The following CSNK2A2IP variants were observed in gnomAD, a reference collection of about 807,000 sequenced individuals.
CSNK2A2IP encodes casein kinase II subunit alpha'-interacting protein.
the CSNK2A2IP span, among the ~76,000 whole-genome samples, chr3:88,376,812 C>T: frequency 2.0e-5 from 3 of 151,686 alleles, no homozygotes; most frequent in East Asian, 5.8e-4. Flanking sequence ...CTAAGGTTAC[C>T]AGCAATTCCT....
the CSNK2A2IP span, among the ~76,000 whole-genome samples, chr3:88,416,348 C>T: frequency 1.2e-3 from 179 of 150,050 alleles, no homozygotes; most frequent in Non-Finnish European, 2.2e-3. Flanking sequence ...CAAGGGGATT[C>T]ACAAAAATGC....
At chr3:88,374,309 G>T in the CSNK2A2IP span, among the ~76,000 whole-genome samples, 6 of 151,722 alleles carry the variant, frequency 4.0e-5, no homozygotes, top group Admixed American at 1.3e-4. Context: ...TGTATGTGTT[G>T]AATTCAAGAT....
the CSNK2A2IP span, among the ~76,000 whole-genome samples, chr3:88,449,872 T>TAGAGAGAG: frequency 1.1e-3 from 87 of 79,048 alleles, no homozygotes; most frequent in East Asian, 0.02. Context: ...TATATATATA[T>TAGAGAGAG]ATAGAGAGAG....
At chr3:88,348,189 A>AT in the CSNK2A2IP span, among the ~76,000 whole-genome samples, 15 of 151,008 alleles carry the variant, frequency 9.9e-5, no homozygotes, top group East Asian at 9.8e-4. Context: ...AGACAGAATG[A>AT]TTTTTTTTTT....
At chr3:88,424,944 G>A in the CSNK2A2IP span, among the ~76,000 whole-genome samples, 1 of 151,966 alleles carries the variant, frequency 6.6e-6, no homozygotes, top group Admixed American at 6.6e-5. Flanking sequence ...GAGGTTGACA[G>A]AACTGCAGAT....
chr3:88,359,592 TAA>T, the CSNK2A2IP span, among the ~76,000 whole-genome samples: 1 of 152,148 alleles, frequency 6.6e-6, no homozygotes, highest in South Asian at 2.1e-4. Flanking sequence ...CAGTAAATGT[TAA>T]GTTTTCTTCT....
At chr3:88,439,740 C>CAA in the CSNK2A2IP span, among the ~76,000 whole-genome samples, 40,771 of 119,614 alleles carry the variant, frequency 0.34, 7,192 homozygotes, top group South Asian at 0.49. Flanking sequence ...GACTCTGTCT[C>CAA]AAAAAAAAAA....
chr3:88,398,555 T>G, the CSNK2A2IP span, among the ~76,000 whole-genome samples: 3 of 152,144 alleles, frequency 2.0e-5, no homozygotes, highest in Non-Finnish European at 4.4e-5. Flanking sequence ...TATACCAAAG[T>G]ATATGTTCCA....
the CSNK2A2IP span, among the ~76,000 whole-genome samples, chr3:88,404,106 GA>G: frequency 1.4e-3 from 208 of 144,794 alleles, no homozygotes; most frequent in African/African-American, 2.3e-3. Flanking sequence ...AGCAATATCA[GA>G]AAAAAAAAAA....
the CSNK2A2IP span, among the ~76,000 whole-genome samples, chr3:88,440,258 C>T: frequency 1.3e-5 from 2 of 152,036 alleles, no homozygotes; most frequent in Non-Finnish European, 2.9e-5. Context: ...AAGAACTTTG[C>T]TAGAAAATGC....
the CSNK2A2IP span, among the ~76,000 whole-genome samples, chr3:88,457,701 A>AAAATAAAAT: frequency 8.2e-5 from 7 of 84,888 alleles, no homozygotes; most frequent in African/African-American, 2.5e-4. Context: ...GTCTCAAAAT[A>AAAATAAAAT]AAATAAAATA....
the CSNK2A2IP span, among the ~76,000 whole-genome samples, chr3:88,369,366 A>G: frequency 6.6e-6 from 1 of 151,912 alleles, no homozygotes; most frequent in Non-Finnish European, 1.5e-5. Flanking sequence ...TTTCTTGCAG[A>G]AAACAATTAC....
chr3:88,462,247 T>C, the CSNK2A2IP span, among the ~76,000 whole-genome samples: 1 of 152,120 alleles, frequency 6.6e-6, no homozygotes, highest in Non-Finnish European at 1.5e-5. Flanking sequence ...TACTACTTTG[T>C]ATGCTCTGTT....
At chr3:88,383,674 T>TGGG in the CSNK2A2IP span, among the ~76,000 whole-genome samples, 1 of 71,806 alleles carries the variant, frequency 1.4e-5, no homozygotes, top group South Asian at 4.9e-4. Context: ...TTTTTTTTTT[T>TGGG]GGGACGGAGT....
chr3:88,384,448 T>C, the CSNK2A2IP span, among the ~76,000 whole-genome samples: 1 of 151,090 alleles, frequency 6.6e-6, no homozygotes, highest in African/African-American at 2.4e-5. Context: ...GGGATGCAAG[T>C]AAAAGGCTCT....
the CSNK2A2IP span, among the ~76,000 whole-genome samples, chr3:88,414,403 C>T: frequency 6.7e-6 from 1 of 149,920 alleles, no homozygotes; most frequent in East Asian, 2.0e-4. Flanking sequence ...CTGCCTCAGC[C>T]TCCTGAGTAG....
At chr3:88,397,403 T>G in the CSNK2A2IP span, among the ~76,000 whole-genome samples, 1 of 152,176 alleles carries the variant, frequency 6.6e-6, no homozygotes, top group Admixed American at 6.5e-5. Context: ...TTATTCATCT[T>G]TTATTAGTTT....
the CSNK2A2IP span, among the ~76,000 whole-genome samples, chr3:88,413,744 TA>T: frequency 6.6e-6 from 1 of 151,870 alleles, no homozygotes; most frequent in Non-Finnish European, 1.5e-5. Context: ...TTTTTCAAAA[TA>T]AAAAAACATG....
At chr3:88,354,627 C>T in the CSNK2A2IP span, among the ~76,000 whole-genome samples, 1 of 152,080 alleles carries the variant, frequency 6.6e-6, no homozygotes, top group African/African-American at 2.4e-5. Flanking sequence ...ACCTGTCCAC[C>T]ATGGCTTGGA....
Sources: gnomAD v4.1 joint callset for allele counts (sites outside exome capture counted in the v4.1 genomes callset) on GRCh38, gnomAD v4.1.1 for gene constraint, MANE v1.5 for transcripts, NCBI Gene and HGNC (gene_info 2026-07-23, HGNC 2026-07-21) for gene names.